MID1: variants seen among roughly 807,000 people sequenced by gnomAD.
The protein encoded by MID1 is midline 1, also known as E3 ubiquitin-protein ligase Midline-1.
A neutral mutation model predicts 40.4 loss-of-function variants in MID1; 7 were observed. The ratio of observed to expected loss-of-function variants is 0.17; its 90% CI spans 0.10 to 0.33. The LOEUF (loss-of-function observed/expected upper bound fraction) is 0.33, where lower values mean the gene tolerates loss of function less well. MID1 is among the 10% of genes least tolerant of loss of function. The pLI is 1.00. For synonymous variants in MID1, 229 were observed against 221.2 expected (o/e 1.04, Z -0.31); for missense variants, 367 against 558.5 (o/e 0.66, Z 3.46).
At chrX:10,800,545 T>C (rs2043999127) in intron 1 of MID1, among the ~76,000 whole-genome samples, 1 of 111,727 alleles carries the variant, frequency 9.0e-6, no homozygotes, top group Admixed American at 9.5e-5. Flanking sequence ...TTTGCAGCAG[T>C]AGACAACTAA....
intron 1 of MID1, among the ~76,000 whole-genome samples, chrX:10,629,124 C>T (rs980116603): frequency 3.6e-5 from 4 of 111,820 alleles, no homozygotes; most frequent in African/African-American, 1.3e-4. Flanking sequence ...AATCTACCTC[C>T]AAAAGTCTCT....
At chrX:10,791,898 A>G (rs760290015) in intron 1 of MID1, among the ~76,000 whole-genome samples, 12 of 111,535 alleles carry the variant, frequency 1.1e-4, no homozygotes, top group Non-Finnish European at 2.1e-4. Flanking sequence ...TTTTTCATTG[A>G]AATAATATTT....
At chrX:10,627,472 A>G (rs992763482) in intron 1 of MID1, among the ~76,000 whole-genome samples, 1 of 112,205 alleles carries the variant, frequency 8.9e-6, no homozygotes, top group Non-Finnish European at 1.9e-5. Flanking sequence ...AATATTCTAT[A>G]TCCAAGACAC....
intron 1 of MID1, among the ~76,000 whole-genome samples, chrX:10,752,489 T>C (rs2043606617): frequency 8.9e-6 from 1 of 111,987 alleles, no homozygotes; most frequent in South Asian, 3.8e-4. Flanking sequence ...CACAGAACTG[T>C]TGAGAGGATT....
At chrX:10,737,198 A>G (rs947608580) in intron 1 of MID1, among the ~76,000 whole-genome samples, 4 of 112,690 alleles carry the variant, frequency 3.5e-5, no homozygotes, top group African/African-American at 9.7e-5. Flanking sequence ...CTTCAAAAAT[A>G]TGCTTAGGAA....
intron 1 of MID1, among the ~76,000 whole-genome samples, chrX:10,815,466 A>G (rs771427572): frequency 8.9e-6 from 1 of 112,662 alleles, no homozygotes; most frequent in Non-Finnish European, 1.9e-5. Context: ...GCTCTTAGGG[A>G]TGTCATGAGC....
chrX:10,590,609 T>TA (rs1051398850), intron 1 of MID1, among the ~76,000 whole-genome samples: 9 of 110,491 alleles, frequency 8.1e-5, no homozygotes, highest in South Asian at 3.8e-4. Context: ...AAAATATATG[T>TA]AAAAAAAAAT....
intron 2 of MID1, among the ~76,000 whole-genome samples, chrX:10,545,273 T>C (rs901463965): frequency 8.9e-6 from 1 of 112,243 alleles, no homozygotes; most frequent in Admixed American, 9.4e-5. Context: ...CAAAGCTAAG[T>C]TTTAAATTAC....
intron 1 of MID1, among the ~76,000 whole-genome samples, chrX:10,572,379 G>A (rs1186216244): frequency 9.1e-5 from 10 of 110,072 alleles, no homozygotes; most frequent in Non-Finnish European, 1.9e-4. Context: ...GTGAAACCCC[G>A]TCTCTACTAA....
At chrX:10,748,217 C>G (rs2043573580) in intron 1 of MID1, among the ~76,000 whole-genome samples, 1 of 111,482 alleles carries the variant, frequency 9.0e-6, no homozygotes, top group African/African-American at 3.3e-5. Context: ...AGGCCCCAGC[C>G]CATCTAGCAG....
intron 3 of MID1, among the ~76,000 whole-genome samples, chrX:10,518,872 C>T (rs1276532558): frequency 2.7e-5 from 3 of 111,771 alleles, no homozygotes; most frequent in African/African-American, 9.7e-5. Flanking sequence ...ACAATCAATT[C>T]AGTAATAGCT....
chrX:10,699,331 T>G (rs2043180769), intron 1 of MID1, among the ~76,000 whole-genome samples: 1 of 112,397 alleles, frequency 8.9e-6, no homozygotes, highest in Admixed American at 9.4e-5. Flanking sequence ...ATATCTTCTA[T>G]CTAGGGAAAA....
intron 3 of MID1, among the ~76,000 whole-genome samples, chrX:10,504,721 G>C (rs974337538): frequency 9.0e-6 from 1 of 110,685 alleles, no homozygotes; most frequent in African/African-American, 3.3e-5. Context: ...AAGAAGAAGG[G>C]TAGAGAACAT....
At chrX:10,476,463 C>T (rs998158474) in intron 5 of MID1, among the ~76,000 whole-genome samples, 2 of 110,851 alleles carry the variant, frequency 1.8e-5, no homozygotes, top group African/African-American at 6.6e-5. Flanking sequence ...TATGAGCCAC[C>T]ACACCCAGCC....
At chrX:10,740,083 T>C (rs1456388431) in intron 1 of MID1, among the ~76,000 whole-genome samples, 6 of 113,024 alleles carry the variant, frequency 5.3e-5, no homozygotes, top group Non-Finnish European at 1.1e-4. Context: ...TTCTGTTCCC[T>C]TGGCACATAA....
chrX:10,459,182 G>A (rs1391114639), intron 8 of MID1, among the ~76,000 whole-genome samples: 1 of 111,255 alleles, frequency 9.0e-6, no homozygotes, highest in Non-Finnish European at 1.9e-5. Context: ...TGGTAGGGTG[G>A]GGTGGAGGGG....
chrX:10,461,083 A>AATATATAT (rs35175429), intron 7 of MID1, among the ~76,000 whole-genome samples: 1,658 of 99,304 alleles, frequency 0.017, 38 homozygotes, highest in African/African-American at 0.039. Flanking sequence ...CAGTGAATTA[A>AATATATAT]ATATATATAT....
intron 4 of MID1, among the ~76,000 whole-genome samples, chrX:10,485,846 C>T (rs1050574581): frequency 1.8e-5 from 2 of 111,591 alleles, no homozygotes; most frequent in African/African-American, 6.5e-5. Flanking sequence ...GAGAGCTCAA[C>T]ATTTAGTCCA....
At chrX:10,566,683 C>T (rs1406059690) in intron 2 of MID1, among the ~76,000 whole-genome samples, 6 of 110,893 alleles carry the variant, frequency 5.4e-5, no homozygotes, top group African/African-American at 1.6e-4. Context: ...ACCTTGACAA[C>T]GCTAAAATTA....
Sources: gnomAD v4.1 joint callset for allele counts (sites outside exome capture counted in the v4.1 genomes callset) on GRCh38, gnomAD v4.1.1 for gene constraint, MANE v1.5 for transcripts, NCBI Gene and HGNC (gene_info 2026-07-23, HGNC 2026-07-21) for gene names.